Variants in COL19A1 observed in about 807,000 individuals in gnomAD.
COL19A1 encodes collagen alpha-1(XIX) chain.
Under a neutral mutation model 190.2 loss-of-function variants are expected in COL19A1, and 159 were observed. That is an observed-to-expected ratio of 0.84 (90% CI 0.73 to 0.95). The LOEUF is 0.95. Among genes scored for constraint, COL19A1 ranks in the 40% least tolerant of loss-of-function variants. The pLI, the probability that COL19A1 is intolerant of heterozygous loss-of-function variation, is 0.00. For missense variants in COL19A1, 1,418 were observed against 1,431.9 expected, an observed-to-expected ratio of 0.99 and a Z score of 0.16; for synonymous variants, 509 against 458.9, an observed-to-expected ratio of 1.11 and a Z score of -1.39.
rs59667029 is a variant in COL19A1, at chr6:70,131,027, C to G, written c.1383+804C>G. 8.7e-6 allele frequency: 4 copies of G among 459,240 alleles called. No individual in the cohort carries two copies. In the East Asian group the frequency reaches 2.9e-4, roughly 33 times the overall value. 28.4% of individuals were successfully genotyped at this position (459,240 alleles called of 1,614,324 possible). A position where few individuals can be genotyped will look rare whatever the true frequency, so the allele number is the denominator to read the frequency against. On this transcript the variant is annotated intron_variant, in intron 18 of 50. Coordinates refer to ENST00000620364, the MANE Select transcript of COL19A1 (RefSeq NM_001858.6). ...TAAAACTAAGACACTGATAAATTTC[C>G]GTTGCATTCCCCTTGTCATTTGCAG...
intron 1 of COL19A1, among the ~76,000 whole-genome samples, chr6:69,875,782 AAGAG>A (rs1006384154): frequency 3.3e-5 from 5 of 152,196 alleles, no homozygotes; most frequent in African/African-American, 9.7e-5. Flanking sequence ...TGTGACATCT[AAGAG>A]AGAATTTTGA....
chr6:70,103,029 G>A (rs1336314224), intron 16 of COL19A1, among the ~76,000 whole-genome samples: 4 of 152,130 alleles, frequency 2.6e-5, no homozygotes, highest in South Asian at 2.1e-4. Context: ...CCCCCTACAT[G>A]TTGGATGGAT....
chr6:70,035,501 T>G (rs1779304898), intron 13 of COL19A1, among the ~76,000 whole-genome samples: 1 of 152,154 alleles, frequency 6.6e-6, no homozygotes. Flanking sequence ...AATGGGGAGA[T>G]CCACTTATTA....
At chr6:69,987,926 A>C (rs1346011781) in intron 11 of COL19A1, among the ~76,000 whole-genome samples, 1 of 152,214 alleles carries the variant, frequency 6.6e-6, no homozygotes, top group Non-Finnish European at 1.5e-5. Flanking sequence ...ATGAACATCT[A>C]GTTCTGACAT....
chr6:70,152,409 T>C (rs1489411545), intron 31 of COL19A1, among the ~76,000 whole-genome samples: 2 of 151,910 alleles, frequency 1.3e-5, no homozygotes, highest in African/African-American at 4.8e-5. Flanking sequence ...TAAGGTAGAG[T>C]TTTGAGAATA....
At chr6:70,144,041 G>C (rs1309723001) in intron 23 of COL19A1, among the ~76,000 whole-genome samples, 169 bp from the exon 24 acceptor site, 4 of 151,972 alleles carry the variant, frequency 2.6e-5, no homozygotes, top group African/African-American at 9.7e-5. Context: ...AAACCACGTA[G>C]AATCACTAAT....
intron 12 of COL19A1, among the ~76,000 whole-genome samples, chr6:70,033,512 A>T (rs113892463): frequency 1.3e-5 from 2 of 152,094 alleles, no homozygotes; most frequent in Admixed American, 6.6e-5. Flanking sequence ...CTGTGAATTC[A>T]TGCAGCTGTA....
At chr6:70,078,433 G>A (rs1292021749) in intron 15 of COL19A1, among the ~76,000 whole-genome samples, 1 of 152,206 alleles carries the variant, frequency 6.6e-6, no homozygotes, top group Non-Finnish European at 1.5e-5. Flanking sequence ...GGAGCATCAA[G>A]TCTCTCCCTG....
intron 9 of COL19A1, among the ~76,000 whole-genome samples, chr6:69,946,991 C>T (rs2150030875): frequency 6.6e-6 from 1 of 151,948 alleles, no homozygotes; most frequent in South Asian, 2.1e-4. Flanking sequence ...CTTTGTGCTT[C>T]ATGGCCAAGT....
intron 15 of COL19A1, among the ~76,000 whole-genome samples, chr6:70,078,833 G>C (rs1170039940): frequency 6.6e-6 from 1 of 152,118 alleles, no homozygotes; most frequent in Non-Finnish European, 1.5e-5. Flanking sequence ...TTGGGAGGCC[G>C]AGGCGGGCAG....
chr6:69,902,617 A>G (rs938503327), intron 4 of COL19A1, among the ~76,000 whole-genome samples: 3 of 152,160 alleles, frequency 2.0e-5, no homozygotes, highest in Non-Finnish European at 2.9e-5. Flanking sequence ...GCCCTGGGCA[A>G]TAGTATCACA....
At chr6:70,156,585 C>T (rs1787454859) in intron 33 of COL19A1, 85 bp from the exon 34 acceptor site, 2 of 1,431,014 alleles carry the variant, frequency 1.4e-6, no homozygotes, top group Non-Finnish European at 1.9e-6. Context: ...TTACATGCCC[C>T]AAGTGTTCTT....
intron 16 of COL19A1, among the ~76,000 whole-genome samples, chr6:70,104,336 G>A (rs372199287): frequency 6.6e-6 from 1 of 152,162 alleles, no homozygotes; most frequent in Non-Finnish European, 1.5e-5. Flanking sequence ...GAAACTTACA[G>A]TCATGGCAGA....
intron 11 of COL19A1, among the ~76,000 whole-genome samples, chr6:69,982,743 C>T (rs549571317): frequency 7.2e-4 from 108 of 150,646 alleles, no homozygotes; most frequent in South Asian, 2.9e-3. Context: ...GAGGCCGAGA[C>T]GGGCAGATCA....
At chr6:70,074,026 A>G (rs533975758) in intron 15 of COL19A1, among the ~76,000 whole-genome samples, 1 of 152,334 alleles carries the variant, frequency 6.6e-6, no homozygotes, top group South Asian at 2.1e-4. Flanking sequence ...ATCAACACAT[A>G]CAACAGGACT....
chr6:69,985,995 ACT>A (rs1562061420), intron 11 of COL19A1, among the ~76,000 whole-genome samples: 2 of 151,968 alleles, frequency 1.3e-5, no homozygotes, highest in African/African-American at 4.8e-5. Context: ...GTCATATTCT[ACT>A]TAAGGAGCTT....
chr6:70,086,385 ATAATG>A, intron 15 of COL19A1, among the ~76,000 whole-genome samples: 1 of 152,332 alleles, frequency 6.6e-6, no homozygotes, highest in South Asian at 2.1e-4. Context: ...AAACAGAAAG[ATAATG>A]TAAACTCGTG....
intron 4 of COL19A1, among the ~76,000 whole-genome samples, chr6:69,914,295 G>A (rs969806070): frequency 3.9e-5 from 6 of 152,172 alleles, no homozygotes; most frequent in African/African-American, 1.4e-4. Context: ...CTGGGAGGAA[G>A]GCATTTCAGA....
intron 14 of COL19A1, among the ~76,000 whole-genome samples, chr6:70,063,301 C>G (rs573983799): frequency 6.6e-6 from 1 of 152,028 alleles, no homozygotes; most frequent in South Asian, 2.1e-4. Flanking sequence ...ACAGTGCAAT[C>G]AAACTAGAAC....
Sources: allele counts gnomAD v4.1 joint callset (sites outside exome capture counted in the v4.1 genomes callset), GRCh38; gene constraint gnomAD v4.1.1; transcripts MANE v1.5; gene names NCBI Gene and HGNC (gene_info 2026-07-23, HGNC 2026-07-21).